The following DAB1 variants were observed in gnomAD, a reference collection of about 807,000 sequenced individuals.
DAB1 encodes DAB adaptor protein 1.
DAB1 carries 15 observed loss-of-function variants against 64.6 expected under a neutral mutation model. That is an observed-to-expected ratio of 0.23 (90% CI 0.16 to 0.36). DAB1 has a LOEUF of 0.36. Among genes scored for constraint, DAB1 ranks in the 10% least tolerant of loss-of-function variants. The probability of loss-of-function intolerance (pLI) is 1.00; values close to 1 mark genes in which losing one functional copy is unlikely to be tolerated. For synonymous variants in DAB1, 235 were observed against 251.9 expected (o/e 0.93, Z 0.64); for missense variants, 596 against 706.7 (o/e 0.84, Z 1.78).
At chr1:58,409,181 C>T (rs1260173099) in intron 3 of DAB1, among the ~76,000 whole-genome samples, 4 of 151,554 alleles carry the variant, frequency 2.6e-5, no homozygotes, top group African/African-American at 4.8e-5. Flanking sequence ...TAAGTGATAA[C>T]GTTGAGCATT....
At chr1:58,247,398 G>A (rs767973920) in intron 4 of DAB1, among the ~76,000 whole-genome samples, 3 of 151,988 alleles carry the variant, frequency 2.0e-5, no homozygotes, top group Admixed American at 1.3e-4. Flanking sequence ...TCCAAATGGA[G>A]TACCCAACTT....
intron 1 of DAB1, chr1:57,387,245 T>G (rs1681943350): frequency 6.6e-6 from 1 of 152,114 alleles, no homozygotes; most frequent in African/African-American, 2.4e-5. Flanking sequence ...TAAGATGATG[T>G]GTACAGAGCC....
At chr1:57,218,543 A>AC (rs1666613045) in intron 2 of DAB1, among the ~76,000 whole-genome samples, 1 of 145,272 alleles carries the variant, frequency 6.9e-6, no homozygotes, top group East Asian at 2.0e-4. Context: ...AAAAAAAAAA[A>AC]CAGAAAAAAA....
chr1:58,506,774 TAA>T (rs1205073589), intron 2 of DAB1, among the ~76,000 whole-genome samples: 5 of 152,134 alleles, frequency 3.3e-5, no homozygotes, highest in Non-Finnish European at 5.9e-5. Context: ...CAAATAAACA[TAA>T]AGAGATGACA....
At chr1:58,526,483 C>T (rs924132483) in intron 2 of DAB1, among the ~76,000 whole-genome samples, 4 of 151,550 alleles carry the variant, frequency 2.6e-5, no homozygotes, top group African/African-American at 9.7e-5. Context: ...TTAAATGCTA[C>T]TAATAACACT....
At chr1:58,519,767 T>C (rs1014808763) in intron 2 of DAB1, among the ~76,000 whole-genome samples, 1 of 151,950 alleles carries the variant, frequency 6.6e-6, no homozygotes. Context: ...GATTAACATA[T>C]TCAAGAAAAT....
At chr1:58,179,372 C>T (rs568883208) in intron 4 of DAB1, among the ~76,000 whole-genome samples, 33 of 152,172 alleles carry the variant, frequency 2.2e-4, no homozygotes, top group African/African-American at 7.5e-4. Context: ...GAAGTGTTTC[C>T]TCCTCTTCTA....
At chr1:57,542,994 A>G (rs1439810634) in intron 7 of DAB1, among the ~76,000 whole-genome samples, 1 of 152,174 alleles carries the variant, frequency 6.6e-6, no homozygotes. Context: ...AAGAGGAACT[A>G]GAGCCTCCTG....
intron 2 of DAB1, among the ~76,000 whole-genome samples, chr1:57,187,963 G>A (rs528272849): frequency 5.9e-5 from 9 of 152,202 alleles, no homozygotes; most frequent in Middle Eastern, 3.4e-3. Context: ...GGAGAGAGAG[G>A]TCCTCTTTGG....
intron 3 of DAB1, among the ~76,000 whole-genome samples, chr1:58,487,180 G>A (rs1042298926): frequency 6.6e-6 from 1 of 152,190 alleles, no homozygotes; most frequent in African/African-American, 2.4e-5. Flanking sequence ...AAGGAGCAGT[G>A]GCGAAGTTGA....
At chr1:57,661,848 G>A (rs1646390091) in intron 6 of DAB1, among the ~76,000 whole-genome samples, 1 of 151,978 alleles carries the variant, frequency 6.6e-6, no homozygotes, top group Non-Finnish European at 1.5e-5. Context: ...TGGTTGGTGG[G>A]ACCTGCAGTT....
chr1:57,855,740 T>C (rs760826867), intron 1 of DAB1, among the ~76,000 whole-genome samples: 3 of 152,144 alleles, frequency 2.0e-5, no homozygotes, highest in South Asian at 2.1e-4. Context: ...GATAGTCTTG[T>C]AGGGCCAGCA....
intron 7 of DAB1, among the ~76,000 whole-genome samples, chr1:57,597,984 A>C (rs1013546021): frequency 6.6e-6 from 1 of 151,690 alleles, no homozygotes; most frequent in East Asian, 1.9e-4. Flanking sequence ...TTTTATTTTT[A>C]TTTATTTCTT....
At chr1:58,124,727 T>C (rs1652960484) in intron 5 of DAB1, among the ~76,000 whole-genome samples, 1 of 152,224 alleles carries the variant, frequency 6.6e-6, no homozygotes, top group Non-Finnish European at 1.5e-5. Context: ...CTGTTATCTG[T>C]GTGTGCTTAG....
Position 56,997,020 on chromosome 1 carries a change from G to A in DAB1, c.*1124C>T, listed in dbSNP as rs1466219290. On this transcript the variant is annotated 3_prime_UTR_variant, in exon 15 of 15. Coordinates refer to ENST00000371236, the MANE Select transcript of DAB1 (RefSeq NM_001365792.1). ...ATTTTCTGATGTACAAAAAGAGATAGAGATGAACCATTTGGACCACAGAAT... is the reference window on the plus strand; with the variant it reads ...ATTTTCTGATGTACAAAAAGAGATAAAGATGAACCATTTGGACCACAGAAT... The A allele has an allele frequency of 3.3e-5, 5 of 151,826 alleles. No individual in the cohort carries two copies. Among genetic ancestry groups the A allele is most frequent in the Non-Finnish European group, 7.4e-5 (5 of 67,998 alleles). The allele number at this position is 151,826 out of a possible 1,614,324, so 9.4% of individuals were successfully genotyped here.
chr1:58,496,169 C>CTTTTT (rs375006213), intron 3 of DAB1, among the ~76,000 whole-genome samples: 1 of 144,928 alleles, frequency 6.9e-6, no homozygotes, highest in East Asian at 2.1e-4. Flanking sequence ...TTTTTTTAGA[C>CTTTTT]TTTTTTTTTT....
At chr1:58,152,723 T>C (rs983806904) in intron 4 of DAB1, among the ~76,000 whole-genome samples, 2 of 152,218 alleles carry the variant, frequency 1.3e-5, no homozygotes, top group Admixed American at 6.5e-5. Context: ...GCAATGACCA[T>C]GAAAGAAAAT....
intron 6 of DAB1, among the ~76,000 whole-genome samples, chr1:57,778,541 G>A (rs543510859): frequency 6.6e-6 from 1 of 152,018 alleles, no homozygotes; most frequent in South Asian, 2.1e-4. Flanking sequence ...TTTTCTAGTT[G>A]TTTGTAGTAC....
At chr1:57,021,999 A>G (rs904169290) in intron 11 of DAB1, among the ~76,000 whole-genome samples, 10 of 151,970 alleles carry the variant, frequency 6.6e-5, no homozygotes, top group Admixed American at 3.9e-4. Context: ...TTTTGTCCCT[A>G]TCACTTCTCA....
Sources: allele counts gnomAD v4.1 joint callset (sites outside exome capture counted in the v4.1 genomes callset), GRCh38; gene constraint gnomAD v4.1.1; transcripts MANE v1.5; gene names NCBI Gene and HGNC (gene_info 2026-07-23, HGNC 2026-07-21).